Variants in METTL8 observed in about 807,000 individuals in gnomAD.
The protein encoded by METTL8 is tRNA N(3)-cytidine methyltransferase METTL8, mitochondrial.
METTL8 carries 32 observed loss-of-function variants against 48.7 expected under a neutral mutation model. The ratio of observed to expected loss-of-function variants is 0.66; its 90% CI spans 0.50 to 0.88. METTL8 has a LOEUF of 0.88. Among genes scored for constraint, METTL8 ranks in the 40% least tolerant of loss-of-function variants. The probability of loss-of-function intolerance (pLI) is 0.00; values close to 1 mark genes in which losing one functional copy is unlikely to be tolerated. For synonymous variants in METTL8, 136 were observed against 157.1 expected (o/e 0.87, Z 1.01); for missense variants, 464 against 474.4 (o/e 0.98, Z 0.20).
intron 5 of METTL8, among the ~76,000 whole-genome samples, chr2:171,335,435 T>G (rs1489219015): frequency 6.6e-6 from 1 of 152,142 alleles, no homozygotes; most frequent in East Asian, 1.9e-4. Flanking sequence ...TAAAAAAATT[T>G]TTTTTGAGAC....
At chr2:171,378,437 G>A (rs1305943582) in intron 2 of METTL8, among the ~76,000 whole-genome samples, 1 of 152,078 alleles carries the variant, frequency 6.6e-6, no homozygotes, top group African/African-American at 2.4e-5. Context: ...TCCAAGACCA[G>A]CCTGGCCAAC....
intron 7 of METTL8, among the ~76,000 whole-genome samples, chr2:171,326,804 A>G (rs1685010552): frequency 6.6e-6 from 1 of 152,186 alleles, no homozygotes; most frequent in Non-Finnish European, 1.5e-5. Context: ...CCTGGAAACA[A>G]ATCTGCTTCC....
At chr2:171,379,688 C>T (rs1367457744) in intron 2 of METTL8, among the ~76,000 whole-genome samples, 1 of 152,112 alleles carries the variant, frequency 6.6e-6, no homozygotes, top group African/African-American at 2.4e-5. Context: ...TACACCCTCC[C>T]AACACTCAAC....
At chr2:171,415,109 T>C (rs1691171982) in intron 1 of METTL8, among the ~76,000 whole-genome samples, 1 of 152,142 alleles carries the variant, frequency 6.6e-6, no homozygotes, top group Admixed American at 6.6e-5. Flanking sequence ...GGTATGTCTT[T>C]ATCAGCAGGA....
chr2:171,405,424 A>G (rs1004501614), intron 1 of METTL8, among the ~76,000 whole-genome samples: 9 of 152,224 alleles, frequency 5.9e-5, no homozygotes, highest in Admixed American at 2.6e-4. Flanking sequence ...GGTTTTAGAA[A>G]TGTAGGAAAT....
chr2:171,410,431 C>CT (rs1037584703), intron 1 of METTL8, among the ~76,000 whole-genome samples: 2 of 152,162 alleles, frequency 1.3e-5, no homozygotes, highest in African/African-American at 2.4e-5. Flanking sequence ...AAATATGATT[C>CT]TTTCCAAACA....
intron 1 of METTL8, among the ~76,000 whole-genome samples, chr2:171,413,341 T>C (rs1487407874): frequency 6.6e-6 from 1 of 152,178 alleles, no homozygotes; most frequent in Non-Finnish European, 1.5e-5. Flanking sequence ...TTCACATATA[T>C]CAACCAGAAC....
chr2:171,409,160 T>C (rs1351853218), intron 1 of METTL8, among the ~76,000 whole-genome samples: 1 of 152,198 alleles, frequency 6.6e-6, no homozygotes, highest in Non-Finnish European at 1.5e-5. Flanking sequence ...AGCCGGGACT[T>C]GAAGTTGAGA....
chr2:171,360,348 A>G, intron 3 of METTL8, 74 bp downstream of exon 3: 1 of 1,266,678 alleles, frequency 7.9e-7, no homozygotes. Context: ...AAGAACTCTC[A>G]GAAGCAATGA....
Position 171,325,012 on chromosome 2 carries a change from C to T in METTL8, c.1034-650G>A, listed in dbSNP as rs370305756. Among the ~76,000 whole-genome samples the T allele has an allele frequency of 9.3e-5, 14 of 150,296 alleles. 1 individual carries two copies. The highest frequency in any genetic ancestry group is 3.4e-4 in the African/African-American group (14 of 40,914). On this transcript the variant is annotated intron_variant, in intron 9 of 9. Transcript: ENST00000375258. ...ACTTGGGAGGCTGTAATCCCAGCTA[C>T]TTGGGAGGCTGAGGTGGGAGAATCG...
chr2:171,432,037 C>T (rs1171206798), intron 1 of METTL8, among the ~76,000 whole-genome samples: 2 of 152,218 alleles, frequency 1.3e-5, no homozygotes, highest in African/African-American at 4.8e-5. Flanking sequence ...ACTCTGCACT[C>T]ACCAGCTCAG....
chr2:171,354,676 C>T (rs1684328253), intron 3 of METTL8, among the ~76,000 whole-genome samples: 2 of 152,164 alleles, frequency 1.3e-5, no homozygotes, highest in Admixed American at 6.5e-5. Context: ...TCTTTTTTCT[C>T]TAAACTTCTC....
intron 5 of METTL8, 45 bp downstream of exon 5, chr2:171,337,408 C>CATAT (rs1686233766): frequency 7.7e-6 from 11 of 1,422,752 alleles, no homozygotes; most frequent in Non-Finnish European, 1.1e-5. Context: ...CTCAACATTC[C>CATAT]ATAAATATGT....
At chr2:171,387,083 C>A (rs1258358767) in intron 2 of METTL8, among the ~76,000 whole-genome samples, 1 of 151,012 alleles carries the variant, frequency 6.6e-6, no homozygotes, top group Non-Finnish European at 1.5e-5. Flanking sequence ...CATAAGTGAT[C>A]CGATTCTTCC....
At chr2:171,325,261 C>T (rs917455529) in intron 9 of METTL8, among the ~76,000 whole-genome samples, 8 of 152,044 alleles carry the variant, frequency 5.3e-5, no homozygotes, top group African/African-American at 1.9e-4. Flanking sequence ...TCATAGCTCA[C>T]TGTAGCCTCA....
chr2:171,409,260 T>C (rs1215911878), intron 1 of METTL8, among the ~76,000 whole-genome samples: 1 of 152,112 alleles, frequency 6.6e-6, no homozygotes, highest in Admixed American at 6.6e-5. Context: ...AATTCTTAAG[T>C]CACAAAGTTC....
At chr2:171,356,955 T>TTTTTTTTTTTTG (rs1684635052) in intron 3 of METTL8, among the ~76,000 whole-genome samples, 1 of 121,088 alleles carries the variant, frequency 8.3e-6, no homozygotes, top group South Asian at 3.2e-4. Flanking sequence ...AGACAATATT[T>TTTTTTTTTTTTG]TTTTTTTTTT....
intron 1 of METTL8, among the ~76,000 whole-genome samples, chr2:171,396,231 C>A (rs1689051842): frequency 6.6e-6 from 1 of 151,874 alleles, no homozygotes; most frequent in Non-Finnish European, 1.5e-5. Flanking sequence ...CACTGCACTC[C>A]AGCCTGGGTG....
At chr2:171,352,580 T>C (rs1215426105) in intron 3 of METTL8, among the ~76,000 whole-genome samples, 1 of 152,228 alleles carries the variant, frequency 6.6e-6, no homozygotes, top group Non-Finnish European at 1.5e-5. Context: ...AGAATTCGGC[T>C]GTGAATCCAT....
Sources: allele counts gnomAD v4.1 joint callset (sites outside exome capture counted in the v4.1 genomes callset), GRCh38; gene constraint gnomAD v4.1.1; transcripts MANE v1.5; gene names NCBI Gene and HGNC (gene_info 2026-07-23, HGNC 2026-07-21).